CARF: variants seen among roughly 807,000 people sequenced by gnomAD.
CARF encodes the protein calcium-responsive transcription factor.
A neutral mutation model predicts 82.0 loss-of-function variants in CARF; 57 were observed. The observed-to-expected ratio is 0.70, with a 90% CI of 0.56 to 0.87. CARF has a LOEUF of 0.87. Among genes scored for constraint, CARF ranks in the 40% least tolerant of loss-of-function variants. The pLI is 0.00. For missense variants in CARF, 771 were observed against 855.8 expected, an observed-to-expected ratio of 0.90 and a Z score of 1.24; for synonymous variants, 268 against 290.1, an observed-to-expected ratio of 0.92 and a Z score of 0.77.
intron 9 of CARF, among the ~76,000 whole-genome samples, chr2:202,963,543 G>A (rs1277298970): frequency 6.6e-6 from 1 of 152,168 alleles, no homozygotes. Flanking sequence ...GATGGGGGAT[G>A]GGGGATGGTT....
intron 5 of CARF, among the ~76,000 whole-genome samples, chr2:202,951,147 A>G (rs2058737808): frequency 6.6e-6 from 1 of 152,050 alleles, no homozygotes; most frequent in Non-Finnish European, 1.5e-5. Flanking sequence ...CCCAGCCTCA[A>G]GTGATCCTCC....
At chr2:202,971,370 TA>T (rs2059784608) in intron 11 of CARF, 134 bp from the exon 12 acceptor site, 2 of 445,728 alleles carry the variant, frequency 4.5e-6, no homozygotes, top group East Asian at 6.9e-5. Context: ...TAACCATATA[TA>T]ATTTTTTCTT....
chr2:202,958,249 A>ATGTGTGTCTGTGTGTG (rs2059142209), intron 8 of CARF, among the ~76,000 whole-genome samples: 1 of 139,930 alleles, frequency 7.1e-6, no homozygotes, highest in Admixed American at 7.4e-5. Context: ...ATATACATAT[A>ATGTGTGTCTGTGTGTG]TGTGTGTGTG....
Position 202,961,274 on chromosome 2 carries a change from A to C in CARF, c.680A>C (p.Glu227Ala). Reference sequence around the variant, plus strand: ...TCATACCGTGGCTACTGTGTAAGTGAGACTGAATTAGAAAGTGTCCTAACA... The same window carrying C: ...TCATACCGTGGCTACTGTGTAAGTGCGACTGAATTAGAAAGTGTCCTAACA... ...GDSYRGYCVS[E>A]TELESVLTFH... The change falls in exon 9 of 17, where the codon GAG (glutamate) becomes GCG (alanine). Residue 227 changes from glutamate (E) to alanine (A), a missense_variant. Glu to Ala is a moderately radical substitution (Grantham distance 107, BLOSUM62 -1). Coordinates refer to ENST00000438828, the MANE Select transcript of CARF (RefSeq NM_024744.17). 1 of 1,614,046 alleles carries C rather than the reference A, an allele frequency of 6.2e-7. No individual in the cohort carries two copies. Among genetic ancestry groups the C allele is most frequent in the Non-Finnish European group, 8.5e-7 (1 of 1,179,968 alleles).
chr2:202,914,709 G>A (rs1299663211), intron 1 of CARF, among the ~76,000 whole-genome samples: 1 of 150,580 alleles, frequency 6.6e-6, no homozygotes. Context: ...AACCTGGAAG[G>A]TGGAGTTTGC....
chr2:202,917,177 C>T lies in CARF; in HGVS notation c.-329-700C>T, dbSNP rs1178601230. 6.1e-5 allele frequency among the ~76,000 whole-genome samples: 8 copies of T among 130,190 alleles called. No individual in the cohort carries two copies. The Admixed American group carries it at 7.2e-4, about 12-fold the overall frequency. The allele number at this position is 130,190 out of a possible 152,430, so 85.4% of individuals were successfully genotyped here. A position where few individuals can be genotyped will look rare whatever the true frequency, so the allele number is the denominator to read the frequency against. On this transcript the variant is annotated intron_variant, in intron 1 of 16. Coordinates refer to ENST00000438828, the MANE Select transcript of CARF (RefSeq NM_024744.17). Reference sequence around the variant, plus strand: ...AGTGAGCCGAGATCCCGCCACTGCACTCCAGCCTGGGCGACAGAGCGAGAC... The same window carrying T: ...AGTGAGCCGAGATCCCGCCACTGCATTCCAGCCTGGGCGACAGAGCGAGAC...
intron 8 of CARF, among the ~76,000 whole-genome samples, chr2:202,956,998 A>T (rs1339148546): frequency 2.0e-5 from 3 of 151,978 alleles, no homozygotes; most frequent in Non-Finnish European, 4.4e-5. Flanking sequence ...TATGTTTGTC[A>T]GGCTGGTCTC....
chr2:202,974,237 A>G (rs1051901482), intron 12 of CARF, 97 bp from the exon 13 acceptor site: 1 of 838,428 alleles, frequency 1.2e-6, no homozygotes, highest in South Asian at 2.1e-5. Flanking sequence ...ACCATACTTT[A>G]TAGAAGTTTA....
intron 3 of CARF, among the ~76,000 whole-genome samples, chr2:202,928,476 T>A (rs1043451453): frequency 2.0e-5 from 3 of 152,200 alleles, no homozygotes; most frequent in Admixed American, 6.5e-5. Flanking sequence ...TTCCTTTCCT[T>A]TGGATATTTA....
At chr2:202,913,348 A>G (rs964721964) in intron 1 of CARF, among the ~76,000 whole-genome samples, 1 of 152,226 alleles carries the variant, frequency 6.6e-6, no homozygotes, top group Non-Finnish European at 1.5e-5. Context: ...CCTGGGTTCA[A>G]ATCCTGCCTC....
At position 202,912,373 on chromosome 2, in the gene CARF, C is replaced by T. The variant is rs1688744524; in HGVS notation, c.-1059C>T. The T allele has an allele frequency of 6.6e-6, 1 of 151,858 alleles. No homozygotes were observed. Among genetic ancestry groups the T allele is most frequent in the South Asian group, 2.1e-4 (1 of 4,794 alleles). 9.4% of individuals were successfully genotyped at this position (151,858 alleles called of 1,614,324 possible). On this transcript the variant is annotated 5_prime_UTR_variant, in exon 1 of 17. Coordinates refer to ENST00000438828, the MANE Select transcript of CARF (RefSeq NM_024744.17). ...TTCTCCCCTCTGCTCCGGCGGACTT[C>T]CCATGTCGCCTTGTGGGGCTATCGG...
chr2:202,916,704 G>A (rs946934065), intron 1 of CARF, among the ~76,000 whole-genome samples: 1 of 152,126 alleles, frequency 6.6e-6, no homozygotes, highest in Non-Finnish European at 1.5e-5. Context: ...TCAACAACAT[G>A]GTTGGATGTT....
At position 202,984,554 on chromosome 2, in the gene CARF, A is replaced by G. The variant is rs2060374315; in HGVS notation, c.*930A>G. 1 of 152,156 alleles carries G rather than the reference A, an allele frequency of 6.6e-6. No individual in the cohort carries two copies. Among genetic ancestry groups the G allele is most frequent in the Non-Finnish European group, 1.5e-5 (1 of 68,014 alleles). The allele number at this position is 152,156 out of a possible 1,614,324, so 9.4% of individuals were successfully genotyped here. A position where few individuals can be genotyped will look rare whatever the true frequency, so the allele number is the denominator to read the frequency against. ...CTGGTTAAAAAATAATTTGATTTGTAGTTACATTTTTCTATGCCAGAGCTC... is the reference window on the plus strand; with the variant it reads ...CTGGTTAAAAAATAATTTGATTTGTGGTTACATTTTTCTATGCCAGAGCTC... On this transcript the variant is annotated 3_prime_UTR_variant, in exon 17 of 17. Transcript: ENST00000438828.
intron 1 of CARF, 62 bp from the exon 2 acceptor site, chr2:202,917,815 A>G (rs909879690): frequency 9.4e-6 from 2 of 213,824 alleles, no homozygotes; most frequent in African/African-American, 4.7e-5. Context: ...GCATAACAAA[A>G]AGTAATAATT....
intron 3 of CARF, among the ~76,000 whole-genome samples, chr2:202,926,597 G>A (rs912519755): frequency 2.6e-5 from 4 of 152,036 alleles, no homozygotes; most frequent in East Asian, 1.9e-4. Context: ...TTGCACTTCC[G>A]TATGAATTTT....
intron 7 of CARF, among the ~76,000 whole-genome samples, chr2:202,955,078 A>G (rs934453228): frequency 2.0e-5 from 3 of 151,800 alleles, no homozygotes; most frequent in African/African-American, 7.3e-5. Context: ...ATTTTTATGC[A>G]TAGAATTCCT....
chr2:202,947,402 C>T (rs1443688483), intron 5 of CARF, among the ~76,000 whole-genome samples: 1 of 152,084 alleles, frequency 6.6e-6, no homozygotes, highest in Non-Finnish European at 1.5e-5. Flanking sequence ...CTAATGTTCT[C>T]ACTCATAAAT....
At chr2:202,915,851 G>C (rs979690185) in intron 1 of CARF, among the ~76,000 whole-genome samples, 1 of 148,490 alleles carries the variant, frequency 6.7e-6, no homozygotes, top group Admixed American at 6.7e-5. Context: ...CTCAAGATCC[G>C]CCCACTTTAG....
At chr2:202,942,382 A>G (rs949716635) in intron 4 of CARF, 5 of 165,148 alleles carry the variant, frequency 3.0e-5, no homozygotes, top group African/African-American at 1.2e-4. Flanking sequence ...TCAAAAAAAA[A>G]AAAAGAATTT....
Sources: gnomAD v4.1 joint callset for allele counts (sites outside exome capture counted in the v4.1 genomes callset) on GRCh38, gnomAD v4.1.1 for gene constraint, MANE v1.5 for transcripts, NCBI Gene and HGNC (gene_info 2026-07-23, HGNC 2026-07-21) for gene names.